Variants in GNA14 observed in about 807,000 individuals in gnomAD.
GNA14 encodes the protein G protein subunit alpha 14.
A neutral mutation model predicts 42.0 loss-of-function variants in GNA14; 50 were observed. The observed-to-expected ratio is 1.19, with a 90% confidence interval of 0.95 to 1.51. GNA14 has a LOEUF of 1.51. GNA14 is among the 40% of genes most tolerant of loss of function. The probability of loss-of-function intolerance (pLI) is 0.00; values close to 1 mark genes in which losing one functional copy is unlikely to be tolerated. For missense variants in GNA14, 473 were observed against 446.2 expected, an observed-to-expected ratio of 1.06 and a Z score of -0.54; for synonymous variants, 173 against 163.1, an observed-to-expected ratio of 1.06 and a Z score of -0.46.
intron 1 of GNA14, among the ~76,000 whole-genome samples, chr9:77,633,865 C>T (rs890448112): frequency 6.6e-5 from 10 of 152,084 alleles, no homozygotes; most frequent in African/African-American, 1.9e-4. Context: ...ACTACCTCTA[C>T]CTCAAACATG....
At chr9:77,491,577 T>C (rs1030037049) in intron 2 of GNA14, among the ~76,000 whole-genome samples, 40 of 152,194 alleles carry the variant, frequency 2.6e-4, no homozygotes, top group Non-Finnish European at 5.6e-4. Context: ...ATTAATTACA[T>C]AATGATAAAG....
chr9:77,478,645 CA>C (rs1329442367), intron 2 of GNA14, among the ~76,000 whole-genome samples: 1 of 152,186 alleles, frequency 6.6e-6, no homozygotes, highest in East Asian at 1.9e-4. Context: ...GTCCCACCAA[CA>C]GTATAAAAGT....
At chr9:77,565,317 A>C (rs1306490639) in intron 1 of GNA14, among the ~76,000 whole-genome samples, 1 of 152,296 alleles carries the variant, frequency 6.6e-6, no homozygotes, top group East Asian at 1.9e-4. Flanking sequence ...GATTTTGAAA[A>C]CTTAATACTA....
At chr9:77,639,621 AGCAGCAG>A (rs1824228618) in intron 1 of GNA14, among the ~76,000 whole-genome samples, 3 of 151,952 alleles carry the variant, frequency 2.0e-5, no homozygotes, top group Non-Finnish European at 2.9e-5. Flanking sequence ...ATAAGTGTCT[AGCAGCAG>A]CAGCAGCAGC....
chr9:77,595,552 C>T (rs1823451375), intron 1 of GNA14, among the ~76,000 whole-genome samples: 1 of 152,162 alleles, frequency 6.6e-6, no homozygotes, highest in Non-Finnish European at 1.5e-5. Context: ...GGGTTTTGGC[C>T]TCAAAGCCCG....
At chr9:77,429,078 T>C in intron 4 of GNA14, 42 bp from the exon 5 acceptor site, 1 of 1,604,236 alleles carries the variant, frequency 6.2e-7, no homozygotes, top group Non-Finnish European at 8.5e-7. Flanking sequence ...TTGGAATACA[T>C]GACACTTCGG....
intron 1 of GNA14, among the ~76,000 whole-genome samples, chr9:77,572,428 TGAAAG>T (rs896392267): frequency 1.3e-5 from 2 of 152,134 alleles, no homozygotes; most frequent in African/African-American, 4.8e-5. Flanking sequence ...TTTCATAAAA[TGAAAG>T]GAAATATCAT....
chr9:77,431,683 C>A, intron 3 of GNA14: 1 of 414,680 alleles, frequency 2.4e-6, no homozygotes, highest in Non-Finnish European at 4.3e-6. Flanking sequence ...ATCTGCAGAG[C>A]ACTCCGTCTC....
At chr9:77,454,835 G>GTTT (rs1835972075) in intron 2 of GNA14, among the ~76,000 whole-genome samples, 1 of 152,180 alleles carries the variant, frequency 6.6e-6, no homozygotes, top group South Asian at 2.1e-4. Context: ...TGCTTTTAAT[G>GTTT]TGACACATAT....
chr9:77,568,853 G>A (rs17724210), intron 1 of GNA14, among the ~76,000 whole-genome samples: 2,335 of 152,308 alleles, frequency 0.015, 30 homozygotes, highest in Non-Finnish European at 0.025. Context: ...GTCTTGTGGA[G>A]GGAGCAAAGA....
intron 4 of GNA14, among the ~76,000 whole-genome samples, chr9:77,429,343 G>C (rs1004671462): frequency 6.6e-6 from 1 of 152,122 alleles, no homozygotes; most frequent in African/African-American, 2.4e-5. Context: ...CGTTCACTTG[G>C]GTTCTGTGAC....
intron 1 of GNA14, among the ~76,000 whole-genome samples, chr9:77,644,437 CAAAA>C (rs764737417): frequency 9.7e-4 from 33 of 34,018 alleles, no homozygotes; most frequent in Admixed American, 3.7e-3. Flanking sequence ...TAAAGAGTGT[CAAAA>C]AAAAAAAAAA....
At chr9:77,498,322 G>A (rs1348842930) in intron 2 of GNA14, among the ~76,000 whole-genome samples, 4 of 133,944 alleles carry the variant, frequency 3.0e-5, no homozygotes, top group Admixed American at 8.5e-5. Context: ...GCAGTGAGCC[G>A]AGATCGCACC....
intron 1 of GNA14, among the ~76,000 whole-genome samples, chr9:77,617,072 A>G (rs908400378): frequency 2.6e-5 from 4 of 151,902 alleles, no homozygotes; most frequent in Non-Finnish European, 5.9e-5. Flanking sequence ...GGGTTTCACC[A>G]TGTTAGCCAG....
intron 2 of GNA14, among the ~76,000 whole-genome samples, chr9:77,494,541 A>G (rs1409229014): frequency 6.6e-6 from 1 of 152,214 alleles, no homozygotes; most frequent in African/African-American, 2.4e-5. Flanking sequence ...AAGTGTCCTG[A>G]GAAAAAAGAC....
In GNA14 at chr9:77,423,963, G is replaced by T; in HGVS notation, c.*16C>A. The T allele has an allele frequency of 1.3e-6, 2 of 1,551,398 alleles. No individual in the cohort carries two copies. The highest frequency in any genetic ancestry group is 1.2e-5 in the South Asian group (1 of 81,964). On this transcript the variant is annotated 3_prime_UTR_variant, in exon 7 of 7. Transcript: ENST00000341700. Reference sequence around the variant, plus strand: ...AATCACATCTTCTGTTATAGGGGAGGAGTGGGCAGCAGCTTTTAGACAAGG... The same window carrying T: ...AATCACATCTTCTGTTATAGGGGAGTAGTGGGCAGCAGCTTTTAGACAAGG...
intron 1 of GNA14, among the ~76,000 whole-genome samples, chr9:77,572,930 C>T (rs113442899): frequency 0.024 from 3,613 of 152,250 alleles, 61 homozygotes; most frequent in Middle Eastern, 0.068. Flanking sequence ...ATAGAACTAG[C>T]TGATTAGGAT....
chr9:77,510,829 T>C (rs1028892227), intron 2 of GNA14, among the ~76,000 whole-genome samples: 1 of 152,056 alleles, frequency 6.6e-6, no homozygotes, highest in Admixed American at 6.5e-5. Context: ...AAAGTTTCCA[T>C]GCAGAGAAAG....
intron 1 of GNA14, among the ~76,000 whole-genome samples, chr9:77,608,846 G>T (rs1178532896): frequency 7.0e-6 from 1 of 143,508 alleles, no homozygotes; most frequent in African/African-American, 2.6e-5. Context: ...GTTTATTTCT[G>T]CCCCCTTTAG....
Sources: allele counts gnomAD v4.1 joint callset (sites outside exome capture counted in the v4.1 genomes callset), GRCh38; gene constraint gnomAD v4.1.1; transcripts MANE v1.5; gene names NCBI Gene and HGNC (gene_info 2026-07-23, HGNC 2026-07-21).